Variants in LGR4 observed in about 807,000 individuals in gnomAD.
LGR4 encodes the protein leucine-rich repeat-containing G protein-coupled receptor 4.
A neutral mutation model predicts 84.8 loss-of-function variants in LGR4; 44 were observed. The ratio of observed to expected loss-of-function variants is 0.52; its 90% CI spans 0.41 to 0.67. The LOEUF is 0.67. Among genes scored for constraint, LGR4 ranks in the 30% least tolerant of loss-of-function variants. The probability of loss-of-function intolerance (pLI) is 0.00; values close to 1 mark genes in which losing one functional copy is unlikely to be tolerated. For synonymous variants in LGR4, 429 were observed against 434.3 expected, an observed-to-expected ratio of 0.99 and a Z score of 0.15; for missense variants, 1,032 against 1,131.4, an observed-to-expected ratio of 0.91 and a Z score of 1.26.
intron 1 of LGR4, among the ~76,000 whole-genome samples, chr11:27,421,281 A>C (rs1181944139): frequency 6.6e-6 from 1 of 152,148 alleles, no homozygotes; most frequent in Non-Finnish European, 1.5e-5. Flanking sequence ...TCCATGCATA[A>C]TTATGGAACC....
rs896709199 is a variant in LGR4, at chr11:27,418,136, G to GT, written c.186-5277dup. Among the ~76,000 whole-genome samples, 584 of 151,542 alleles carry GT rather than the reference G, an allele frequency of 3.9e-3. 3 individuals carry two copies. The highest frequency in any genetic ancestry group is 0.013 in the African/African-American group (550 of 41,338). ...TGTCAAAAGATGTTATTATCAATAG[G>GT]TTTTTTTTTGTATTAAACTCCATTA... On this transcript the variant is annotated intron_variant, in intron 1 of 17. Transcript: ENST00000379214.
intron 2 of LGR4, among the ~76,000 whole-genome samples, chr11:27,398,944 T>C (rs527649913): frequency 1.2e-4 from 18 of 152,178 alleles, no homozygotes; most frequent in Non-Finnish European, 2.4e-4. Flanking sequence ...TTCATTCTTG[T>C]TGCCCAGGCT....
chr11:27,441,769 A>G (rs1008667099), intron 1 of LGR4, among the ~76,000 whole-genome samples: 1 of 152,178 alleles, frequency 6.6e-6, no homozygotes, highest in East Asian at 1.9e-4. Flanking sequence ...AATGTGATGG[A>G]GATAAATGAA....
In LGR4 at chr11:27,441,002, G is replaced by C. The variant is rs569642349; in HGVS notation, c.186-28142C>G. Among the ~76,000 whole-genome samples, 3 of 152,198 alleles carry C rather than the reference G, an allele frequency of 2.0e-5. No homozygotes were observed. In the South Asian group the frequency reaches 6.3e-4, roughly 32 times the overall value. On this transcript the variant is annotated intron_variant, in intron 1 of 17. Transcript: ENST00000379214. ...ACTTTTATGCTCGTGAAAGTATTTG[G>C]ACTTCACAGCAACTTTACAAGGCAG...
chr11:27,472,165 C>G lies in LGR4; in HGVS notation c.138G>C (p.Lys46Asn). The G allele has an allele frequency of 7.1e-7, 1 of 1,415,646 alleles. No homozygotes were observed. Among genetic ancestry groups the G allele is most frequent in the Non-Finnish European group, 9.2e-7 (1 of 1,085,336 alleles). 87.7% of individuals were successfully genotyped at this position (1,415,646 alleles called of 1,614,324 possible). A position where few individuals can be genotyped will look rare whatever the true frequency, so the allele number is the denominator to read the frequency against. The change falls in exon 1 of 18, where the codon AAG (lysine) becomes AAC (asparagine). Residue 46 changes from lysine (K) to asparagine (N), a missense_variant. Physicochemically the swap from Lys to Asn is moderately conservative, Grantham distance 94. Coordinates refer to ENST00000379214, the MANE Select transcript of LGR4 (RefSeq NM_018490.5). ...DGDRRVDCSG[K>N]GLTAVPEGLS... ...GCCCCTCGGGCACGGCCGTCAGCCC[C>G]TTCCCGGAGCAGTCCACCCGACGGT...
At chr11:27,466,690 C>T (rs1387377659) in intron 1 of LGR4, among the ~76,000 whole-genome samples, 1 of 152,192 alleles carries the variant, frequency 6.6e-6, no homozygotes, top group African/African-American at 2.4e-5. Context: ...ATACCATAAC[C>T]GGCAGAGCAT....
intron 4 of LGR4, among the ~76,000 whole-genome samples, chr11:27,387,239 C>T (rs374248776): frequency 6.6e-6 from 1 of 152,272 alleles, no homozygotes; most frequent in African/African-American, 2.4e-5. Context: ...ATAGTTAACA[C>T]AACAGGCATG....
At chr11:27,430,637 C>A (rs1336587580) in intron 1 of LGR4, among the ~76,000 whole-genome samples, 1 of 152,092 alleles carries the variant, frequency 6.6e-6, no homozygotes, top group Non-Finnish European at 1.5e-5. Context: ...TTTCTCCACC[C>A]CTCGACCCCT....
chr11:27,380,426 T>C, intron 9 of LGR4, 87 bp from the exon 10 acceptor site: 1 of 936,646 alleles, frequency 1.1e-6, no homozygotes. Context: ...AGTGCAACTA[T>C]AACTAAAAAT....
At chr11:27,404,809 A>G (rs1445000618) in intron 2 of LGR4, among the ~76,000 whole-genome samples, 1 of 152,160 alleles carries the variant, frequency 6.6e-6, no homozygotes, top group Non-Finnish European at 1.5e-5. Flanking sequence ...CACTCTATGG[A>G]GACAGGCTAT....
intron 2 of LGR4, among the ~76,000 whole-genome samples, chr11:27,411,947 T>C (rs1416163060): frequency 1.3e-5 from 2 of 152,084 alleles, no homozygotes; most frequent in African/African-American, 4.8e-5. Context: ...TTCAGGGCTA[T>C]ATCTCTTTGA....
intron 11 of LGR4, 145 bp downstream of exon 11, chr11:27,378,552 A>G (rs1168667781): frequency 1.5e-6 from 1 of 658,402 alleles, no homozygotes; most frequent in African/African-American, 1.8e-5. Context: ...CCTGGAGATG[A>G]CTCAAATATC....
At chr11:27,423,090 A>G (rs1409353323) in intron 1 of LGR4, among the ~76,000 whole-genome samples, 1 of 152,230 alleles carries the variant, frequency 6.6e-6, no homozygotes, top group Non-Finnish European at 1.5e-5. Flanking sequence ...AGATTAAAAA[A>G]ACAAAACAAA....
intron 1 of LGR4, among the ~76,000 whole-genome samples, chr11:27,462,565 G>T (rs557653943): frequency 2.0e-5 from 3 of 152,170 alleles, no homozygotes; most frequent in Non-Finnish European, 4.4e-5. Context: ...CACCTGTGAA[G>T]TCTATGGGCT....
intron 1 of LGR4, among the ~76,000 whole-genome samples, chr11:27,454,380 T>C (rs1382333195): frequency 2.0e-5 from 3 of 152,234 alleles, no homozygotes; most frequent in Non-Finnish European, 2.9e-5. Flanking sequence ...TCTAAATTGA[T>C]TGAGATCTGT....
intron 1 of LGR4, among the ~76,000 whole-genome samples, chr11:27,466,131 A>G (rs1457631143): frequency 1.3e-5 from 2 of 152,248 alleles, no homozygotes; most frequent in African/African-American, 4.8e-5. Flanking sequence ...GGTGTCTTAT[A>G]AAGAATACTC....
intron 1 of LGR4, among the ~76,000 whole-genome samples, chr11:27,449,325 G>A (rs1864443420): frequency 6.6e-6 from 1 of 152,208 alleles, no homozygotes; most frequent in African/African-American, 2.4e-5. Flanking sequence ...GCTCATGCCT[G>A]TAATCCCAGC....
At chr11:27,465,632 T>A (rs78115252) in intron 1 of LGR4, among the ~76,000 whole-genome samples, 120 of 152,370 alleles carry the variant, frequency 7.9e-4, no homozygotes, top group African/African-American at 2.9e-3. Context: ...TACTAACTTG[T>A]TAGTCTTCGG....
chr11:27,430,494 TTC>T (rs1864097258), intron 1 of LGR4, among the ~76,000 whole-genome samples: 1 of 152,226 alleles, frequency 6.6e-6, no homozygotes, highest in African/African-American at 2.4e-5. Context: ...TTATCTGTGC[TTC>T]TCTGTTTTCT....
Sources: gnomAD v4.1 joint callset for allele counts (sites outside exome capture counted in the v4.1 genomes callset) on GRCh38, gnomAD v4.1.1 for gene constraint, MANE v1.5 for transcripts, NCBI Gene and HGNC (gene_info 2026-07-23, HGNC 2026-07-21) for gene names.